The following EFR3A variants were observed in gnomAD, a reference collection of about 807,000 sequenced individuals.
EFR3A encodes protein EFR3 homolog A.
EFR3A carries 76 observed loss-of-function variants against 104.4 expected under a neutral mutation model. The observed-to-expected ratio is 0.73, with a 90% CI of 0.60 to 0.88. EFR3A has a LOEUF of 0.88. Ranked by LOEUF, EFR3A falls within the 40% of genes least tolerant of loss-of-function variation. The pLI, the probability that EFR3A is intolerant of heterozygous loss-of-function variation, is 0.00. For missense variants in EFR3A, 985 were observed against 1,012.5 expected, an observed-to-expected ratio of 0.97 and a Z score of 0.37; for synonymous variants, 330 against 330.0, an observed-to-expected ratio of 1.00 and a Z score of 0.00.
rs200821953 is a variant in EFR3A at position 132,010,405 on chromosome 8, G to GATAT, written c.2361-384_2361-383insTATA. Among the ~76,000 whole-genome samples the GATAT allele has an allele frequency of 8.0e-3, 700 of 87,856 alleles. 47 individuals are homozygous for GATAT. Among genetic ancestry groups the GATAT allele is most frequent in the East Asian group, 0.025 (79 of 3,130 alleles). 57.6% of individuals were successfully genotyped at this position (87,856 alleles called of 152,430 possible). A position where few individuals can be genotyped will look rare whatever the true frequency, so the allele number is the denominator to read the frequency against. ...TTGTTCTCTGGATTAAATCAAGTAT[G>GATAT]AGATATATATATATATATATATATA... On this transcript the variant is annotated intron_variant, in intron 22 of 22. Transcript: ENST00000254624.
intron 7 of EFR3A, among the ~76,000 whole-genome samples, chr8:131,959,353 A>T (rs951557635): frequency 6.6e-6 from 1 of 152,138 alleles, no homozygotes; most frequent in Non-Finnish European, 1.5e-5. Context: ...GGAATCAATA[A>T]ATATTTGTTG....
In EFR3A at chr8:131,968,370, C is replaced by A. The variant is rs1424654445; in HGVS notation, c.931C>A (p.Arg311=). 2.0e-5 allele frequency: 33 copies of A among 1,613,412 alleles called. No individual in the cohort carries two copies. The highest frequency in any genetic ancestry group is 2.5e-5 in the Non-Finnish European group (30 of 1,179,640). ...TCGTAAAAAAGATGCTCCCCGGGTTCGAGCAGGTATTATTCAGGTTCTGTT... is the reference window on the plus strand; with the variant it reads ...TCGTAAAAAAGATGCTCCCCGGGTTAGAGCAGGTATTATTCAGGTTCTGTT... ...DARKKDAPRV[R]AGIIQVLLEA... Residue 311 remains arginine, a synonymous_variant, in exon 9 of 23, where the codon CGA becomes AGA. Transcript: ENST00000254624.
intron 1 of EFR3A, among the ~76,000 whole-genome samples, chr8:131,937,839 A>C (rs1161037846): frequency 4.1e-5 from 6 of 146,400 alleles, no homozygotes; most frequent in Non-Finnish European, 9.0e-5. Flanking sequence ...TCAAAAATAT[A>C]TTAGTTTTGG....
In EFR3A at chr8:131,944,875, A is replaced by G. The variant is rs773690040; in HGVS notation, c.215+3A>G. 1.9e-6 allele frequency: 3 copies of G among 1,606,356 alleles called. No individual in the cohort carries two copies. In the African/African-American group the frequency reaches 4.0e-5, roughly 22 times the overall value. ...GATGTTGTCAGACATCGTTCTGGGT[A>G]AGGAAACTAATGGCTGCTAAAATAG... is the stretch of plus-strand genomic sequence containing the variant. On this transcript the variant is annotated splice_donor_region_variant and intron_variant, in intron 3 of 22. Transcript: ENST00000254624.
At chr8:131,971,415 G>T (rs188070674) in intron 10 of EFR3A, among the ~76,000 whole-genome samples, 1 of 152,218 alleles carries the variant, frequency 6.6e-6, no homozygotes, top group East Asian at 1.9e-4. Flanking sequence ...TAGGCCGTGC[G>T]CGGTGGCTCA....
chr8:131,980,496 C>T (rs1398892389), intron 14 of EFR3A, among the ~76,000 whole-genome samples: 1 of 151,942 alleles, frequency 6.6e-6, no homozygotes, highest in Non-Finnish European at 1.5e-5. Context: ...ATGAATTCTG[C>T]ATAACTGAGG....
At chr8:131,947,262 T>C (rs1818486093) in intron 4 of EFR3A, among the ~76,000 whole-genome samples, 1 of 152,040 alleles carries the variant, frequency 6.6e-6, no homozygotes, top group Non-Finnish European at 1.5e-5. Context: ...TTCATTTCCC[T>C]AATGATTAAT....
intron 18 of EFR3A, among the ~76,000 whole-genome samples, chr8:131,988,474 A>C (rs1306451982): frequency 6.6e-6 from 1 of 152,034 alleles, no homozygotes; most frequent in Admixed American, 6.6e-5. Flanking sequence ...TGGATCCAAA[A>C]TATATACATT....
intron 21 of EFR3A, 46 bp downstream of exon 21, chr8:132,002,752 G>A (rs1464838062): frequency 6.8e-7 from 1 of 1,480,894 alleles, no homozygotes; most frequent in African/African-American, 1.4e-5. Flanking sequence ...CTGTTGTTTT[G>A]TGGAAACTCT....
chr8:131,993,263 C>T (rs1286997642), intron 18 of EFR3A, among the ~76,000 whole-genome samples: 1 of 152,166 alleles, frequency 6.6e-6, no homozygotes, highest in Admixed American at 6.5e-5. Flanking sequence ...TTATTTATTG[C>T]TCAGACTCGC....
intron 10 of EFR3A, among the ~76,000 whole-genome samples, chr8:131,975,022 A>C (rs1438218011): frequency 6.6e-6 from 1 of 152,198 alleles, no homozygotes; most frequent in Non-Finnish European, 1.5e-5. Context: ...GAAATAAGAA[A>C]CTTTTAAAGT....
At chr8:132,005,810 A>G (rs1822013706) in intron 22 of EFR3A, among the ~76,000 whole-genome samples, 1 of 152,144 alleles carries the variant, frequency 6.6e-6, no homozygotes, top group Non-Finnish European at 1.5e-5. Context: ...AATACAGAAT[A>G]TAGATTCTTT....
At position 131,999,223 on chromosome 8, in the gene EFR3A, G is replaced by GT. The variant is rs533571502; in HGVS notation, c.2158-2530dup. Among the ~76,000 whole-genome samples, 721 of 152,124 alleles carry GT rather than the reference G, an allele frequency of 4.7e-3. 2 individuals are homozygous for GT. Among genetic ancestry groups the GT allele is most frequent in the African/African-American group, 0.017 (701 of 41,520 alleles). On this transcript the variant is annotated intron_variant, in intron 19 of 22. Transcript: ENST00000254624. ...CACTGGTTGACTGTAAAAGATTGTT[G>GT]TTTTTTCTATTACAAATAACAGATC...
At chr8:131,930,028 CA>C (rs1229904149) in intron 1 of EFR3A, among the ~76,000 whole-genome samples, 1 of 152,118 alleles carries the variant, frequency 6.6e-6, no homozygotes, top group Non-Finnish European at 1.5e-5. Flanking sequence ...AAGGAAGGCA[CA>C]TTGATTCAAA....
intron 5 of EFR3A, 133 bp from the exon 6 acceptor site, chr8:131,953,685 G>T (rs891292763): frequency 1.1e-6 from 1 of 884,504 alleles, no homozygotes; most frequent in Non-Finnish European, 1.6e-6. Context: ...TCTTAGACTT[G>T]TGTGTTATTT....
chr8:131,962,181 A>C (rs1166384456), intron 8 of EFR3A, among the ~76,000 whole-genome samples: 4 of 152,312 alleles, frequency 2.6e-5, no homozygotes, highest in African/African-American at 9.6e-5. Context: ...CTAACATCAT[A>C]ATGACAGGAT....
intron 2 of EFR3A, among the ~76,000 whole-genome samples, chr8:131,944,173 A>G (rs1459942852): frequency 6.6e-6 from 1 of 152,090 alleles, no homozygotes; most frequent in Non-Finnish European, 1.5e-5. Context: ...CACCTGTTGC[A>G]CATCATCTTT....
At chr8:131,907,491 T>G (rs979113798) in intron 1 of EFR3A, among the ~76,000 whole-genome samples, 1 of 152,244 alleles carries the variant, frequency 6.6e-6, no homozygotes, top group Non-Finnish European at 1.5e-5. Context: ...TTGAATGCTT[T>G]CTTTTCTCAT....
At chr8:131,951,064 AACTTTT>A (rs1464740541) in intron 5 of EFR3A, among the ~76,000 whole-genome samples, 5 of 152,182 alleles carry the variant, frequency 3.3e-5, no homozygotes, top group Non-Finnish European at 5.9e-5. Flanking sequence ...CATGCTTTAT[AACTTTT>A]ACTTTTATTT....
Sources: allele counts gnomAD v4.1 joint callset (sites outside exome capture counted in the v4.1 genomes callset), GRCh38; gene constraint gnomAD v4.1.1; transcripts MANE v1.5; gene names NCBI Gene and HGNC (gene_info 2026-07-23, HGNC 2026-07-21).